The following NAA35 variants were observed in gnomAD, a reference collection of about 807,000 sequenced individuals.
NAA35 encodes the protein N-alpha-acetyltransferase 35, NatC auxiliary subunit.
A neutral mutation model predicts 101.7 loss-of-function variants in NAA35; 18 were observed. That is an observed-to-expected ratio of 0.18 (90% CI 0.12 to 0.26). NAA35 has a LOEUF of 0.26. Among genes scored for constraint, NAA35 ranks in the 10% least tolerant of loss-of-function variants. NAA35 has a pLI of 1.00. For missense variants in NAA35, 601 were observed against 886.8 expected (o/e 0.68, Z 4.09); for synonymous variants, 267 against 273.1 (o/e 0.98, Z 0.22).
rs934219335 is a variant in NAA35 at position 85,941,212 on chromosome 9, G to A, written c.-67G>A. 106 of 986,618 alleles carry A rather than the reference G, an allele frequency of 1.1e-4. No homozygotes were observed. The highest frequency in any genetic ancestry group is 5.2e-4 in the Middle Eastern group (1 of 1,936). 61.1% of individuals were successfully genotyped at this position (986,618 alleles called of 1,614,324 possible). On this transcript the variant is annotated 5_prime_UTR_variant, in exon 1 of 23. Transcript: ENST00000361671. ...GGGAGGGGGCGGCGGCGGCCGAGGC[G>A]GCGTCGTTATTTCCGTGGTCCGGAC...
chr9:86,009,022 C>T (rs1395684743), intron 14 of NAA35, among the ~76,000 whole-genome samples: 1 of 152,104 alleles, frequency 6.6e-6, no homozygotes, highest in Non-Finnish European at 1.5e-5. Flanking sequence ...AGCTCTCTTA[C>T]CTATGCCTCA....
intron 5 of NAA35, 59 bp downstream of exon 5, chr9:85,959,926 T>G: frequency 7.7e-7 from 1 of 1,294,718 alleles, no homozygotes; most frequent in Non-Finnish European, 1.1e-6. Flanking sequence ...CTGAATCTTG[T>G]GATTTAAAAG....
chr9:86,003,541 T>C, intron 12 of NAA35, 44 bp from the exon 13 acceptor site: 1 of 1,195,646 alleles, frequency 8.4e-7, no homozygotes, highest in Admixed American at 2.0e-5. Flanking sequence ...TTAGCTTTTA[T>C]TTAATCTATT....
At chr9:85,967,824 G>A (rs998844071) in intron 6 of NAA35, among the ~76,000 whole-genome samples, 2 of 151,882 alleles carry the variant, frequency 1.3e-5, no homozygotes, top group Admixed American at 1.3e-4. Context: ...TTTATAATGA[G>A]CAAATTATTG....
intron 6 of NAA35, among the ~76,000 whole-genome samples, chr9:85,969,877 A>T (rs1438209073): frequency 6.6e-6 from 1 of 151,480 alleles, no homozygotes; most frequent in Non-Finnish European, 1.5e-5. Context: ...AAAAAAAAAA[A>T]GATGTGTTCA....
At chr9:85,951,547 T>C (rs1829019919) in intron 2 of NAA35, among the ~76,000 whole-genome samples, 1 of 152,246 alleles carries the variant, frequency 6.6e-6, no homozygotes, top group Non-Finnish European at 1.5e-5. Flanking sequence ...CATTGCTCTT[T>C]CTTGAACTTT....
chr9:85,942,360 A>C, intron 2 of NAA35, 77 bp downstream of exon 2: 1 of 1,543,378 alleles, frequency 6.5e-7, no homozygotes, highest in Non-Finnish European at 8.7e-7. Flanking sequence ...AACTTACCTC[A>C]TTAGATGAAA....
At chr9:85,993,766 CT>C (rs57708630) in intron 11 of NAA35, among the ~76,000 whole-genome samples, 20,750 of 151,754 alleles carry the variant, frequency 0.14, 3,779 homozygotes, top group African/African-American at 0.4. Context: ...AAGTGGATGG[CT>C]TTTTTTTCTC....
chr9:85,976,637 TA>T, intron 8 of NAA35, 47 bp from the exon 9 acceptor site: 1 of 1,344,184 alleles, frequency 7.4e-7, no homozygotes. Flanking sequence ...ATTTGTAATG[TA>T]ATATTTTTTC....
At chr9:85,957,138 A>G (rs992441468) in intron 3 of NAA35, among the ~76,000 whole-genome samples, 2 of 152,234 alleles carry the variant, frequency 1.3e-5, no homozygotes, top group South Asian at 2.1e-4. Context: ...CTGGTAGCCT[A>G]TCATTGACTG....
chr9:86,009,594 T>C (rs1183902306), intron 14 of NAA35, among the ~76,000 whole-genome samples: 1 of 152,232 alleles, frequency 6.6e-6, no homozygotes, highest in Non-Finnish European at 1.5e-5. Flanking sequence ...TTTAGACTTT[T>C]CCTTTTCTCT....
At chr9:85,994,432 T>G (rs923614069) in intron 11 of NAA35, among the ~76,000 whole-genome samples, 2 of 152,190 alleles carry the variant, frequency 1.3e-5, no homozygotes, top group African/African-American at 4.8e-5. Flanking sequence ...CTTAGTATAA[T>G]TCTACAACTT....
chr9:86,025,080 G>C lies in NAA35; in HGVS notation c.*3120G>C, dbSNP rs1243829561. On this transcript the variant is annotated 3_prime_UTR_variant, in exon 23 of 23. Coordinates refer to ENST00000361671, the MANE Select transcript of NAA35 (RefSeq NM_024635.4). ...CCGTTTTGTTTGCACAAGACTCTAAGACAGTATACTGCCTTAAATAAAGTG... is the reference window on the plus strand; with the variant it reads ...CCGTTTTGTTTGCACAAGACTCTAACACAGTATACTGCCTTAAATAAAGTG... Among the ~76,000 whole-genome samples, 1 of 152,186 alleles carries C rather than the reference G, an allele frequency of 6.6e-6. No individual in the cohort carries two copies. Among genetic ancestry groups the C allele is most frequent in the Admixed American group, 6.5e-5 (1 of 15,280 alleles).
At chr9:86,018,953 A>C in intron 21 of NAA35, 132 bp downstream of exon 21, 1 of 1,159,268 alleles carries the variant, frequency 8.6e-7, no homozygotes, top group Non-Finnish European at 1.2e-6. Context: ...GTTTCTGCGA[A>C]GGATTTCAGG....
chr9:85,984,432 C>A (rs1263419857), intron 11 of NAA35, among the ~76,000 whole-genome samples: 1 of 152,044 alleles, frequency 6.6e-6, no homozygotes, highest in African/African-American at 2.4e-5. Flanking sequence ...ACCCAGCACA[C>A]CAGAATGAAA....
At chr9:85,979,987 G>C (rs1830367828) in intron 11 of NAA35, among the ~76,000 whole-genome samples, 1 of 152,088 alleles carries the variant, frequency 6.6e-6, no homozygotes, top group South Asian at 2.1e-4. Context: ...CAGAACTTCT[G>C]ACCCACTGGC....
Position 85,941,171 on chromosome 9 carries a change from C to A in NAA35, c.-108C>A. On this transcript the variant is annotated 5_prime_UTR_variant, in exon 1 of 23. The change creates a premature stop within an existing upstream ORF in the 5' untranslated region. Transcript: ENST00000361671. ...ATACGCATGCGTGCACGCTGCCGGT[C>A]GGGCTGGGCTGAGAGGGGAGGGGGC... The A allele has an allele frequency of 2.0e-6, 2 of 985,690 alleles. No individual in the cohort carries two copies. Among genetic ancestry groups the A allele is most frequent in the Non-Finnish European group, 2.4e-6 (2 of 830,136 alleles). 61.1% of individuals were successfully genotyped at this position (985,690 alleles called of 1,614,324 possible).
chr9:85,970,938 C>T (rs984819650), intron 6 of NAA35, among the ~76,000 whole-genome samples: 1 of 152,206 alleles, frequency 6.6e-6, no homozygotes, highest in Non-Finnish European at 1.5e-5. Flanking sequence ...AAGTGCTAAC[C>T]TGTTTGTTAA....
intron 12 of NAA35, among the ~76,000 whole-genome samples, chr9:85,997,188 C>A (rs547636210): frequency 1.3e-5 from 2 of 151,758 alleles, no homozygotes; most frequent in East Asian, 3.9e-4. Flanking sequence ...TGTTGAACTC[C>A]TGGGTTCAAG....
Sources: allele counts gnomAD v4.1 joint callset (sites outside exome capture counted in the v4.1 genomes callset), GRCh38; gene constraint gnomAD v4.1.1; transcripts MANE v1.5; gene names NCBI Gene and HGNC (gene_info 2026-07-23, HGNC 2026-07-21).